The following CDH13 variants were observed in gnomAD, a reference collection of about 807,000 sequenced individuals.
CDH13 encodes cadherin 13.
Under a neutral mutation model 63.8 loss-of-function variants are expected in CDH13, and 24 were observed. The ratio of observed to expected loss-of-function variants is 0.38; its 90% CI spans 0.27 to 0.53. The LOEUF is 0.53. Among genes scored for constraint, CDH13 ranks in the 20% least tolerant of loss-of-function variants. CDH13 has a pLI of 0.85. For synonymous variants in CDH13, 503 were observed against 355.3 expected (o/e 1.42, Z -4.67); for missense variants, 1,049 against 903.1 (o/e 1.16, Z -2.07).
intron 1 of CDH13, among the ~76,000 whole-genome samples, chr16:82,731,000 C>T (rs1265631405): frequency 6.6e-6 from 1 of 152,098 alleles, no homozygotes; most frequent in Non-Finnish European, 1.5e-5. Flanking sequence ...CTTATTTAGT[C>T]CTATTATTTA....
intron 7 of CDH13, among the ~76,000 whole-genome samples, chr16:83,553,157 C>G (rs1226922467): frequency 6.6e-6 from 1 of 151,910 alleles, no homozygotes; most frequent in Non-Finnish European, 1.5e-5. Context: ...TTCAATGTAG[C>G]ATTTTACGGT....
chr16:82,848,052 A>G lies in CDH13; in HGVS notation c.46-10310A>G, dbSNP rs867588720. Among the ~76,000 whole-genome samples, 3 of 152,204 alleles carry G rather than the reference A, an allele frequency of 2.0e-5. No homozygotes were observed. In the East Asian group the frequency reaches 5.8e-4, roughly 29 times the overall value. On this transcript the variant is annotated intron_variant, in intron 1 of 13. Transcript: ENST00000567109. ...TTTGGGGCATTTATGCAGATTAAATAGTCTTTGGTATGTTCAAAGAACAAA... is the reference window on the plus strand; with the variant it reads ...TTTGGGGCATTTATGCAGATTAAATGGTCTTTGGTATGTTCAAAGAACAAA...
chr16:83,208,324 G>A (rs907997641), intron 4 of CDH13, among the ~76,000 whole-genome samples: 1 of 152,206 alleles, frequency 6.6e-6, no homozygotes, highest in African/African-American at 2.4e-5. Context: ...TACCCAGACT[G>A]CTGAATGGCT....
At chr16:82,716,609 G>A (rs899142143) in intron 1 of CDH13, among the ~76,000 whole-genome samples, 1 of 148,924 alleles carries the variant, frequency 6.7e-6, no homozygotes, top group African/African-American at 2.5e-5. Context: ...GATTAATTAT[G>A]TAAATAAGCA....
chr16:83,100,620 C>G (rs893200695), intron 3 of CDH13, among the ~76,000 whole-genome samples: 1 of 152,182 alleles, frequency 6.6e-6, no homozygotes, highest in South Asian at 2.1e-4. Flanking sequence ...CTGTCTTTGT[C>G]TACCTCTTTT....
intron 5 of CDH13, among the ~76,000 whole-genome samples, chr16:83,322,390 A>C (rs12598011): frequency 6.6e-6 from 1 of 152,168 alleles, no homozygotes; most frequent in East Asian, 1.9e-4. Flanking sequence ...CTGTGGTCTT[A>C]TTTCTCCAAA....
intron 12 of CDH13, among the ~76,000 whole-genome samples, chr16:83,782,484 C>A (rs1164124367): frequency 6.6e-6 from 1 of 152,042 alleles, no homozygotes; most frequent in Non-Finnish European, 1.5e-5. Context: ...ACCTGTAATC[C>A]CAGCATTTTG....
chr16:83,246,126 G>A (rs760573552), intron 5 of CDH13, among the ~76,000 whole-genome samples: 1 of 152,128 alleles, frequency 6.6e-6, no homozygotes, highest in Non-Finnish European at 1.5e-5. Flanking sequence ...TTAGAATAGG[G>A]TTTTATTAAT....
intron 12 of CDH13, 43 bp downstream of exon 12, chr16:83,780,244 A>G (rs766668453): frequency 1.1e-5 from 14 of 1,330,372 alleles, no homozygotes; most frequent in Admixed American, 2.0e-5. Flanking sequence ...TCCAGCTTTC[A>G]GTTTATTTTC....
intron 2 of CDH13, among the ~76,000 whole-genome samples, chr16:82,903,027 C>A (rs972004741): frequency 1.4e-4 from 21 of 152,202 alleles, no homozygotes; most frequent in African/African-American, 4.8e-4. Flanking sequence ...CTGACTCTTA[C>A]ATTATTTCTT....
At chr16:83,080,277 C>T (rs2033143249) in intron 3 of CDH13, among the ~76,000 whole-genome samples, 6 of 152,118 alleles carry the variant, frequency 3.9e-5, no homozygotes, top group Admixed American at 3.9e-4. Flanking sequence ...GCTGTTTGGT[C>T]CCAATTCGCT....
At chr16:83,174,759 G>C (rs1309858977) in intron 4 of CDH13, among the ~76,000 whole-genome samples, 1 of 152,128 alleles carries the variant, frequency 6.6e-6, no homozygotes, top group Non-Finnish European at 1.5e-5. Context: ...TTTCTACATG[G>C]TTGGGGAGGC....
chr16:83,469,963 C>T (rs2073413793), intron 6 of CDH13, among the ~76,000 whole-genome samples: 1 of 152,150 alleles, frequency 6.6e-6, no homozygotes. Flanking sequence ...GACAGTGTCA[C>T]CTTTGTTTAT....
At chr16:83,783,186 C>T in intron 12 of CDH13, 68 bp from the exon 13 acceptor site, 1 of 1,098,776 alleles carries the variant, frequency 9.1e-7, no homozygotes, top group Non-Finnish European at 1.4e-6. Context: ...ACTTTCATCA[C>T]CAAAACCTCA....
At position 83,647,452 on chromosome 16, in the gene CDH13, T is replaced by A. The variant is rs572785783; in HGVS notation, c.1102-23338T>A. Reference sequence around the variant, plus strand: ...GTTTCTCCCCCATTTTGCTTGTGCTTCCATAGCAATGATGCTAGATGTTGG... The same window carrying A: ...GTTTCTCCCCCATTTTGCTTGTGCTACCATAGCAATGATGCTAGATGTTGG... On this transcript the variant is annotated intron_variant, in intron 8 of 13. Coordinates refer to ENST00000567109, the MANE Select transcript of CDH13 (RefSeq NM_001257.5). Among the ~76,000 whole-genome samples the A allele has an allele frequency of 8.3e-4, 126 of 152,292 alleles. 1 individual carries two copies. Among genetic ancestry groups the A allele is most frequent in the African/African-American group, 2.9e-3 (119 of 41,562 alleles).
At chr16:82,857,948 C>T (rs1383899293) in intron 1 of CDH13, among the ~76,000 whole-genome samples, 3 of 152,118 alleles carry the variant, frequency 2.0e-5, no homozygotes, top group Non-Finnish European at 4.4e-5. Flanking sequence ...AAGTAAATTC[C>T]AACAGAATAG....
chr16:83,032,196 A>T lies in CDH13; in HGVS notation c.344A>T (p.Lys115Ile). 6.2e-7 allele frequency: 1 copy of T among 1,613,584 alleles called. No individual in the cohort carries two copies. Among genetic ancestry groups the T allele is most frequent in the Non-Finnish European group, 8.5e-7 (1 of 1,179,646 alleles). The change falls in exon 3 of 14, where the codon AAA (lysine) becomes ATA (isoleucine). Residue 115 changes from lysine (K) to isoleucine (I), a missense_variant. Lys to Ile is a moderately radical substitution (Grantham distance 102, BLOSUM62 -3). Coordinates refer to ENST00000567109, the MANE Select transcript of CDH13 (RefSeq NM_001257.5). ...GCAGAACTCGTGATTGTCGGGGGGA[A>T]AGACATCCAGGGCTCCTTGCAGGTA... ...DMAELVIVGG[K>I]DIQGSLQDIF...
chr16:83,480,350 C>T (rs574231781), intron 6 of CDH13, among the ~76,000 whole-genome samples: 1 of 152,132 alleles, frequency 6.6e-6, no homozygotes, highest in Non-Finnish European at 1.5e-5. Context: ...CTTAACTGCC[C>T]AGAGAAGCCC....
At chr16:83,271,443 A>AAAAAAAAAAAAAAAC (rs2088809779) in intron 5 of CDH13, among the ~76,000 whole-genome samples, 1 of 136,628 alleles carries the variant, frequency 7.3e-6, no homozygotes, top group Non-Finnish European at 1.6e-5. Context: ...AAAAAAAAAA[A>AAAAAAAAAAAAAAAC]AAAAAAAAAT....
Sources: gnomAD v4.1 joint callset for allele counts (sites outside exome capture counted in the v4.1 genomes callset) on GRCh38, gnomAD v4.1.1 for gene constraint, MANE v1.5 for transcripts, NCBI Gene and HGNC (gene_info 2026-07-23, HGNC 2026-07-21) for gene names.